RAB23: variants seen among roughly 807,000 people sequenced by gnomAD.
RAB23 encodes the protein ras-related protein Rab-23.
Under a neutral mutation model 30.0 loss-of-function variants are expected in RAB23, and 15 were observed. The observed-to-expected ratio is 0.50, with a 90% CI of 0.33 to 0.77. The LOEUF (loss-of-function observed/expected upper bound fraction) is 0.77. Ranked by LOEUF, RAB23 falls within the 30% of genes least tolerant of loss-of-function variation. The pLI is 0.02. For missense variants in RAB23, 243 were observed against 275.4 expected (o/e 0.88, Z 0.83); for synonymous variants, 93 against 94.0 (o/e 0.99, Z 0.06).
chr6:57,205,752 G>C (rs1765435531), intron 3 of RAB23, among the ~76,000 whole-genome samples: 1 of 152,196 alleles, frequency 6.6e-6, no homozygotes, highest in Non-Finnish European at 1.5e-5. Context: ...GGAATCAGCA[G>C]ATGATGCTGG....
chr6:57,211,109 G>C (rs1160260849), intron 1 of RAB23, among the ~76,000 whole-genome samples: 1 of 152,172 alleles, frequency 6.6e-6, no homozygotes, highest in Non-Finnish European at 1.5e-5. Flanking sequence ...AGACATAAAT[G>C]AATTTCCTGT....
At position 57,190,241 on chromosome 6, in the gene RAB23, A is replaced by G. The variant is rs746940019; in HGVS notation, c.*220T>C. 3 of 524,728 alleles carry G rather than the reference A, an allele frequency of 5.7e-6. No individual in the cohort carries two copies. Among genetic ancestry groups the G allele is most frequent in the African/African-American group, 1.9e-5 (1 of 52,302 alleles). The allele number at this position is 524,728 out of a possible 1,614,324, so 32.5% of individuals were successfully genotyped here. On this transcript the variant is annotated 3_prime_UTR_variant, in exon 7 of 7. Transcript: ENST00000468148. ...TTTACAAACAGGAGAAGCTTCGTCT[A>G]ATGTAAAAAAAATTAAAGGAGTCCA... is the stretch of plus-strand genomic sequence containing the variant.
At chr6:57,191,440 T>C (rs373658368) in intron 6 of RAB23, among the ~76,000 whole-genome samples, 3 of 152,190 alleles carry the variant, frequency 2.0e-5, no homozygotes, top group African/African-American at 7.2e-5. Flanking sequence ...AATCAGCAAA[T>C]ACGATAATTT....
At chr6:57,212,718 CAA>C (rs35931979) in intron 1 of RAB23, among the ~76,000 whole-genome samples, 30 of 89,198 alleles carry the variant, frequency 3.4e-4, no homozygotes, top group Admixed American at 6.2e-4. Flanking sequence ...CTGTCTCTAC[CAA>C]AAAAAAAAAA....
rs940752520 is a variant in RAB23 at position 57,188,138 on chromosome 6, A to G, written c.*2323T>C. 3 of 152,202 alleles carry G rather than the reference A, an allele frequency of 2.0e-5. No homozygotes were observed. Among genetic ancestry groups the G allele is most frequent in the Non-Finnish European group, 4.4e-5 (3 of 68,016 alleles). The allele number at this position is 152,202 out of a possible 1,614,324, so 9.4% of individuals were successfully genotyped here. ...AATCTTGGAAAAGTTTTTCTTTAGT[A>G]TACATGGTTTCATAAAATTAAAGTT... On this transcript the variant is annotated 3_prime_UTR_variant, in exon 7 of 7. Coordinates refer to ENST00000468148, the MANE Select transcript of RAB23 (RefSeq NM_016277.5).
chr6:57,193,381 A>T (rs1764911676), intron 6 of RAB23, among the ~76,000 whole-genome samples: 1 of 152,256 alleles, frequency 6.6e-6, no homozygotes, highest in Non-Finnish European at 1.5e-5. Context: ...CCTGGAATCC[A>T]GAACAAGAAG....
chr6:57,220,458 A>G (rs1243243189), intron 1 of RAB23, among the ~76,000 whole-genome samples: 1 of 152,262 alleles, frequency 6.6e-6, no homozygotes, highest in Non-Finnish European at 1.5e-5. Context: ...TGGTATTTAT[A>G]GCAGATTGAT....
rs1593224021 is a variant in RAB23, at chr6:57,210,464, T to C, written c.-65-19A>G. On this transcript the variant is annotated intron_variant, in intron 1 of 6. Transcript: ENST00000468148. ...CTCAAATCTGTGGTTTAAAATGAAA[T>C]TATTTTTTCATAACACAAAAATGTA... The C allele has an allele frequency of 1.4e-6, 2 of 1,413,416 alleles. No homozygotes were observed. Among genetic ancestry groups the C allele is most frequent in the East Asian group, 2.3e-5 (1 of 43,842 alleles). 87.6% of individuals were successfully genotyped at this position (1,413,416 alleles called of 1,614,324 possible).
At chr6:57,216,093 A>G (rs917400190) in intron 1 of RAB23, among the ~76,000 whole-genome samples, 2 of 152,202 alleles carry the variant, frequency 1.3e-5, no homozygotes, top group Admixed American at 1.3e-4. Context: ...TAGATACACA[A>G]ATATTTACCA....
chr6:57,187,075 CCA>C lies in RAB23; in HGVS notation c.*3384_*3385del, dbSNP rs1259104463. ...TTAGAGTAGTGTTTTAAATTAAGCT[CCA>C]GAGTGTAACTGCAACCAAATAGCAA... On this transcript the variant is annotated 3_prime_UTR_variant, in exon 7 of 7. Transcript: ENST00000468148. 6.6e-6 allele frequency: 1 copy of C among 152,064 alleles called. No individual in the cohort carries two copies. The highest frequency in any genetic ancestry group is 1.5e-5 in the Non-Finnish European group (1 of 68,000). The allele number at this position is 152,064 out of a possible 1,614,324, so 9.4% of individuals were successfully genotyped here. A position where few individuals can be genotyped will look rare whatever the true frequency, so the allele number is the denominator to read the frequency against.
intron 3 of RAB23, among the ~76,000 whole-genome samples, chr6:57,198,380 G>T (rs1011385154): frequency 2.6e-5 from 4 of 152,124 alleles, no homozygotes; most frequent in Non-Finnish European, 4.4e-5. Flanking sequence ...TGGGTGTGGT[G>T]GCGGGTGCCT....
intron 3 of RAB23, among the ~76,000 whole-genome samples, chr6:57,198,205 TA>T (rs1457376567): frequency 1.4e-4 from 22 of 152,224 alleles, no homozygotes; most frequent in Admixed American, 6.5e-5. Flanking sequence ...AGTATACCGA[TA>T]AATAAACTTA....
chr6:57,215,920 T>C (rs1455916270), intron 1 of RAB23, among the ~76,000 whole-genome samples: 1 of 152,184 alleles, frequency 6.6e-6, no homozygotes, highest in Non-Finnish European at 1.5e-5. Flanking sequence ...CACTTGAATT[T>C]GTAAAATATT....
intron 3 of RAB23, among the ~76,000 whole-genome samples, chr6:57,207,197 G>A (rs1346391188): frequency 6.6e-6 from 1 of 152,062 alleles, no homozygotes; most frequent in African/African-American, 2.4e-5. Context: ...CCTTTCACAG[G>A]TATCTCATAC....
At chr6:57,197,939 GTTTTT>G (rs1239042719) in intron 3 of RAB23, among the ~76,000 whole-genome samples, 1 of 151,816 alleles carries the variant, frequency 6.6e-6, no homozygotes, top group African/African-American at 2.4e-5. Flanking sequence ...GTTTTGTTTT[GTTTTT>G]GTTTGTTTGT....
intron 5 of RAB23, 74 bp from the exon 6 acceptor site, chr6:57,194,008 T>C (rs757415479): frequency 3.4e-5 from 53 of 1,543,326 alleles, no homozygotes; most frequent in Non-Finnish European, 4.3e-5. Context: ...ACATCATTTG[T>C]AATATTTATA....
In RAB23 at chr6:57,195,001, T is replaced by C. The variant is rs1593208740; in HGVS notation, c.399-149A>G. 5 of 655,448 alleles carry C rather than the reference T, an allele frequency of 7.6e-6. No homozygotes were observed. In the East Asian group the frequency reaches 1.4e-4, roughly 18 times the overall value. 40.6% of individuals were successfully genotyped at this position (655,448 alleles called of 1,614,324 possible). ...TCTTTCAGAAAATTTTCATATTTCT[T>C]TTTAAAAGAGCTTGATATAATTTCC... On this transcript the variant is annotated intron_variant, in intron 4 of 6. Transcript: ENST00000468148.
Position 57,196,485 on chromosome 6 carries a change from G to GC in RAB23, c.362_363insG (p.Asn121LysfsTer4). 6.2e-7 allele frequency: 1 copy of GC among 1,613,946 alleles called. No homozygotes were observed. The highest frequency in any genetic ancestry group is 8.5e-7 in the Non-Finnish European group (1 of 1,179,934). ...AAGAATCATCCAGAAGATCAATCTT[G>GC]TTTTGCACAAGTACAGTTGGTATAT... On this transcript the variant is annotated frameshift_variant, in exon 4 of 7. Coordinates refer to ENST00000468148, the MANE Select transcript of RAB23 (RefSeq NM_016277.5). LOFTEE classifies it high-confidence loss of function.
At chr6:57,208,353 AAAGC>A (rs1002849984) in intron 2 of RAB23, among the ~76,000 whole-genome samples, 2 of 152,082 alleles carry the variant, frequency 1.3e-5, no homozygotes, top group African/African-American at 4.8e-5. Flanking sequence ...AGAATGCAAA[AAAGC>A]AATTTACCGC....
Sources: allele counts gnomAD v4.1 joint callset (sites outside exome capture counted in the v4.1 genomes callset), GRCh38; gene constraint gnomAD v4.1.1; transcripts MANE v1.5; gene names NCBI Gene and HGNC (gene_info 2026-07-23, HGNC 2026-07-21).